The following KLHL2 variants were observed in gnomAD, a reference collection of about 807,000 sequenced individuals.
The protein encoded by KLHL2 is kelch like family member 2.
Under a neutral mutation model 75.8 loss-of-function variants are expected in KLHL2, and 15 were observed. The observed-to-expected ratio is 0.20, with a 90% confidence interval of 0.13 to 0.30. The LOEUF is 0.30. Among genes scored for constraint, KLHL2 ranks in the 10% least tolerant of loss-of-function variants. The pLI is 1.00. For missense variants in KLHL2, 381 were observed against 741.0 expected, an observed-to-expected ratio of 0.51 and a Z score of 5.64; for synonymous variants, 214 against 251.9, an observed-to-expected ratio of 0.85 and a Z score of 1.42.
Position 165,264,704 on chromosome 4 carries a change from GTA to G in KLHL2, c.544+1360_544+1361del, listed in dbSNP as rs1491114614. Among the ~76,000 whole-genome samples the G allele has an allele frequency of 8.4e-5, 7 of 82,870 alleles. No individual in the cohort carries two copies. The East Asian group carries it at 2.4e-3, about 28-fold the overall frequency. 54.4% of individuals were successfully genotyped at this position (82,870 alleles called of 152,430 possible). ...TGTATGTGTGTGTGTGTGTGTGTGT[GTA>G]TATATATATATATACATATATATAT... On this transcript the variant is annotated intron_variant, in intron 5 of 14. Transcript: ENST00000226725.
intron 1 of KLHL2, chr4:165,209,960 C>T (rs533101147): frequency 1.4e-6 from 2 of 1,427,862 alleles, no homozygotes; most frequent in Non-Finnish European, 1.9e-6. Flanking sequence ...CCATGGATCC[C>T]GTGTGCCGGA....
chr4:165,217,461 C>G (rs948481108), intron 1 of KLHL2, among the ~76,000 whole-genome samples: 1 of 152,188 alleles, frequency 6.6e-6, no homozygotes. Context: ...TAATTCCCTA[C>G]ACACACACCT....
intron 7 of KLHL2, among the ~76,000 whole-genome samples, chr4:165,298,084 A>G (rs7665057): frequency 2.6e-4 from 40 of 152,294 alleles, no homozygotes; most frequent in African/African-American, 7.7e-4. Flanking sequence ...CGGCCTCCCA[A>G]ACTACTGGGA....
chr4:165,259,771 T>A lies in KLHL2; in HGVS notation c.382-3426T>A, dbSNP rs562742676. On this transcript the variant is annotated intron_variant, in intron 4 of 14. Coordinates refer to ENST00000226725, the MANE Select transcript of KLHL2 (RefSeq NM_007246.4). ...AATACTTCCATTCTGCACCTAAATT[T>A]GGGGTTGAAGGTATTAGAACAGTAG... Among the ~76,000 whole-genome samples, 3 of 152,312 alleles carry A rather than the reference T, an allele frequency of 2.0e-5. No homozygotes were observed. The South Asian group carries it at 6.2e-4, about 32-fold the overall frequency.
chr4:165,225,691 G>C (rs114792759), intron 2 of KLHL2, among the ~76,000 whole-genome samples: 2 of 152,096 alleles, frequency 1.3e-5, no homozygotes, highest in Admixed American at 6.5e-5. Context: ...GCCAGACTCA[G>C]TGTACACACA....
At chr4:165,311,206 T>C (rs1178871488) in intron 10 of KLHL2, among the ~76,000 whole-genome samples, 3 of 152,092 alleles carry the variant, frequency 2.0e-5, no homozygotes, top group Admixed American at 2.0e-4. Flanking sequence ...ATGATATGAG[T>C]GGTGAGTATA....
At chr4:165,289,478 T>C (rs1744337069) in intron 5 of KLHL2, among the ~76,000 whole-genome samples, 1 of 151,500 alleles carries the variant, frequency 6.6e-6, no homozygotes. Context: ...CATTTCTTCT[T>C]CACTTTTCCT....
intron 2 of KLHL2, among the ~76,000 whole-genome samples, chr4:165,225,239 C>T (rs868041058): frequency 6.6e-6 from 1 of 152,126 alleles, no homozygotes; most frequent in African/African-American, 2.4e-5. Context: ...GAAGCTTTTC[C>T]ATAAGGTTGG....
At chr4:165,311,082 C>G (rs562677112) in intron 10 of KLHL2, among the ~76,000 whole-genome samples, 1 of 152,056 alleles carries the variant, frequency 6.6e-6, no homozygotes, top group African/African-American at 2.4e-5. Context: ...TGGTCTCAAT[C>G]TCCTGACTTT....
intron 1 of KLHL2, among the ~76,000 whole-genome samples, chr4:165,215,387 A>G (rs1265377735): frequency 6.6e-6 from 1 of 152,214 alleles, no homozygotes; most frequent in Non-Finnish European, 1.5e-5. Flanking sequence ...TATGAGAGCA[A>G]TGCTAGTAAG....
At position 165,219,800 on chromosome 4, in the gene KLHL2, A is replaced by G. The variant is rs1263874503; in HGVS notation, c.27-134A>G. 3.9e-5 allele frequency: 53 copies of G among 1,363,890 alleles called. 1 individual carries two copies. The East Asian group carries it at 1.2e-3, about 30-fold the overall frequency. 84.5% of individuals were successfully genotyped at this position (1,363,890 alleles called of 1,614,324 possible). A position where few individuals can be genotyped will look rare whatever the true frequency, so the allele number is the denominator to read the frequency against. ...AATTGTCTTAACCTTACATTGGGAT[A>G]TTCTGTCCATGAGACTTCCTCTAAA... On this transcript the variant is annotated intron_variant, in intron 1 of 14. Transcript: ENST00000226725.
chr4:165,270,891 G>A (rs9994064), intron 5 of KLHL2, among the ~76,000 whole-genome samples: 5 of 152,084 alleles, frequency 3.3e-5, no homozygotes, highest in African/African-American at 7.2e-5. Flanking sequence ...CTGCAGAAGC[G>A]GTCTGCTGCC....
intron 4 of KLHL2, among the ~76,000 whole-genome samples, chr4:165,251,765 A>G (rs1335354278): frequency 3.3e-5 from 5 of 151,042 alleles, no homozygotes; most frequent in African/African-American, 7.3e-5. Flanking sequence ...GCCCGCCACT[A>G]CGCCCGGCTA....
chr4:165,310,210 A>G (rs1403742381), intron 9 of KLHL2, among the ~76,000 whole-genome samples: 1 of 152,196 alleles, frequency 6.6e-6, no homozygotes, highest in East Asian at 1.9e-4. Flanking sequence ...CTGTAGTCCC[A>G]GCTACTCAGG....
At chr4:165,269,302 C>T (rs1742491329) in intron 5 of KLHL2, among the ~76,000 whole-genome samples, 1 of 152,056 alleles carries the variant, frequency 6.6e-6, no homozygotes. Flanking sequence ...GGGCATTTAG[C>T]CCATTTACAT....
intron 1 of KLHL2, among the ~76,000 whole-genome samples, chr4:165,213,651 T>G (rs1737352172): frequency 6.6e-6 from 1 of 152,194 alleles, no homozygotes; most frequent in African/African-American, 2.4e-5. Context: ...CCTTCCTGTT[T>G]AGATGGTAAA....
intron 9 of KLHL2, among the ~76,000 whole-genome samples, chr4:165,307,159 A>AT (rs1745797441): frequency 1.3e-5 from 2 of 152,038 alleles, no homozygotes; most frequent in East Asian, 3.9e-4. Flanking sequence ...AATACAAAAG[A>AT]TAGCTGGGTA....
At chr4:165,312,629 T>C (rs1579186363) in intron 11 of KLHL2, among the ~76,000 whole-genome samples, 1 of 152,212 alleles carries the variant, frequency 6.6e-6, no homozygotes, top group African/African-American at 2.4e-5. Context: ...AAAGCAATCC[T>C]GCTTCCCTTG....
At chr4:165,260,581 G>T (rs1483163920) in intron 4 of KLHL2, among the ~76,000 whole-genome samples, 2 of 151,902 alleles carry the variant, frequency 1.3e-5, no homozygotes, top group Non-Finnish European at 2.9e-5. Context: ...TGTGTGTGGG[G>T]GGGGTGTATA....
Sources: allele counts gnomAD v4.1 joint callset (sites outside exome capture counted in the v4.1 genomes callset), GRCh38; gene constraint gnomAD v4.1.1; transcripts MANE v1.5; gene names NCBI Gene and HGNC (gene_info 2026-07-23, HGNC 2026-07-21).